KCNMB2: variants seen among roughly 807,000 people sequenced by gnomAD.
KCNMB2 encodes the protein calcium-activated potassium channel subunit beta-2.
In KCNMB2, 9 loss-of-function variants were observed where a neutral mutation model predicts 24.5. The ratio of observed to expected loss-of-function variants is 0.37; its 90% CI spans 0.22 to 0.64. The LOEUF is 0.64. Among genes scored for constraint, KCNMB2 ranks in the 30% least tolerant of loss-of-function variants. The probability of loss-of-function intolerance (pLI) is 0.63; values close to 1 mark genes in which losing one functional copy is unlikely to be tolerated. For missense variants in KCNMB2, 226 were observed against 284.3 expected, an observed-to-expected ratio of 0.79 and a Z score of 1.47; for synonymous variants, 109 against 104.4, an observed-to-expected ratio of 1.04 and a Z score of -0.27.
chr3:178,541,073 C>G (rs1715600127), intron 1 of KCNMB2, among the ~76,000 whole-genome samples: 1 of 152,196 alleles, frequency 6.6e-6, no homozygotes, highest in Non-Finnish European at 1.5e-5. Context: ...ACCTCAGAGT[C>G]AGAGCTCTGT....
intron 1 of KCNMB2, among the ~76,000 whole-genome samples, chr3:178,766,152 A>G (rs1182478986): frequency 1.3e-5 from 2 of 152,140 alleles, no homozygotes; most frequent in African/African-American, 4.8e-5. Flanking sequence ...TTCCCAGAAG[A>G]AAAAGAGATA....
chr3:178,777,301 G>T (rs1712620585), intron 1 of KCNMB2, among the ~76,000 whole-genome samples: 1 of 152,052 alleles, frequency 6.6e-6, no homozygotes, highest in South Asian at 2.1e-4. Flanking sequence ...TGGGTGTGAT[G>T]ACGGGCGCCT....
intron 1 of KCNMB2, among the ~76,000 whole-genome samples, chr3:178,582,643 T>C (rs778872026): frequency 2.0e-5 from 3 of 152,218 alleles, no homozygotes; most frequent in Non-Finnish European, 4.4e-5. Flanking sequence ...GGTCACTTTT[T>C]TGATTGACCT....
At chr3:178,619,023 T>G (rs114286567) in intron 1 of KCNMB2, among the ~76,000 whole-genome samples, 478 of 152,260 alleles carry the variant, frequency 3.1e-3, no homozygotes, top group African/African-American at 0.011. Context: ...GCCCGTGTCC[T>G]AAAAAGTTTT....
intron 1 of KCNMB2, among the ~76,000 whole-genome samples, chr3:178,592,554 A>G (rs1717711305): frequency 6.6e-6 from 1 of 152,276 alleles, no homozygotes; most frequent in East Asian, 1.9e-4. Flanking sequence ...GACAGCCACA[A>G]AGGCTCTATG....
intron 1 of KCNMB2, among the ~76,000 whole-genome samples, chr3:178,765,338 TG>T (rs1213651346): frequency 6.6e-6 from 1 of 152,210 alleles, no homozygotes; most frequent in Non-Finnish European, 1.5e-5. Context: ...CTTTAAGATA[TG>T]GGGTGAGTGT....
At chr3:178,758,850 T>C (rs1300026392) in intron 1 of KCNMB2, among the ~76,000 whole-genome samples, 1 of 23,308 alleles carries the variant, frequency 4.3e-5, no homozygotes, top group Non-Finnish European at 6.8e-5. Context: ...GAGGGATATA[T>C]ATATATATAT....
intron 1 of KCNMB2, among the ~76,000 whole-genome samples, chr3:178,592,546 C>T (rs1451529484): frequency 6.6e-6 from 1 of 152,078 alleles, no homozygotes; most frequent in East Asian, 1.9e-4. Context: ...CTATGTTGGA[C>T]AGCCACAAAG....
chr3:178,663,516 C>T (rs2108573318), intron 1 of KCNMB2, among the ~76,000 whole-genome samples: 1 of 152,220 alleles, frequency 6.6e-6, no homozygotes, highest in South Asian at 2.1e-4. Context: ...TATTCCTAAT[C>T]TCATCTCCAA....
intron 1 of KCNMB2, among the ~76,000 whole-genome samples, chr3:178,772,173 C>A (rs1712397407): frequency 6.6e-6 from 1 of 152,192 alleles, no homozygotes; most frequent in Non-Finnish European, 1.5e-5. Flanking sequence ...GATATATATA[C>A]AGTCATAATT....
intron 2 of KCNMB2, among the ~76,000 whole-genome samples, chr3:178,815,769 T>C (rs907647245): frequency 7.2e-5 from 11 of 152,060 alleles, no homozygotes; most frequent in Admixed American, 7.2e-4. Flanking sequence ...TATGTTTATC[T>C]ACATTTATTA....
intron 1 of KCNMB2, among the ~76,000 whole-genome samples, chr3:178,574,647 G>T (rs571016831): frequency 6.6e-5 from 10 of 152,298 alleles, no homozygotes; most frequent in African/African-American, 2.4e-4. Context: ...CCCAGCTGTT[G>T]CCCAGTCAGC....
intron 1 of KCNMB2, among the ~76,000 whole-genome samples, chr3:178,737,078 C>T (rs555220056): frequency 6.8e-4 from 104 of 152,164 alleles, no homozygotes; most frequent in African/African-American, 2.4e-3. Flanking sequence ...AAGACCAGCC[C>T]GCCCAACGTA....
intron 1 of KCNMB2, among the ~76,000 whole-genome samples, chr3:178,736,156 C>T (rs1338438352): frequency 6.6e-6 from 1 of 152,124 alleles, no homozygotes; most frequent in African/African-American, 2.4e-5. Flanking sequence ...AATGTCTTTT[C>T]CAGAACAGCA....
At chr3:178,729,474 C>A (rs1437868125) in intron 1 of KCNMB2, 1 of 152,094 alleles carries the variant, frequency 6.6e-6, no homozygotes. Flanking sequence ...CAGCACAATC[C>A]ATGATCTTGC....
intron 1 of KCNMB2, among the ~76,000 whole-genome samples, chr3:178,556,726 CTT>C (rs549396112): frequency 1.1e-4 from 17 of 152,228 alleles, no homozygotes; most frequent in African/African-American, 4.1e-4. Flanking sequence ...TTAAAGGAAA[CTT>C]TGTGCAACTG....
At chr3:178,617,116 A>G (rs1718733791) in intron 1 of KCNMB2, among the ~76,000 whole-genome samples, 1 of 152,214 alleles carries the variant, frequency 6.6e-6, no homozygotes, top group Non-Finnish European at 1.5e-5. Context: ...AAGAACATAG[A>G]AACAAGTAAC....
intron 1 of KCNMB2, among the ~76,000 whole-genome samples, chr3:178,752,836 A>G (rs1366427538): frequency 4.6e-5 from 7 of 152,218 alleles, no homozygotes; most frequent in African/African-American, 1.7e-4. Flanking sequence ...ATTTGAGAGT[A>G]AAGATAAAGT....
In KCNMB2 at chr3:178,843,200, C is replaced by T. The variant is rs139485733; in HGVS notation, c.*263C>T. 65 of 545,380 alleles carry T rather than the reference C, an allele frequency of 1.2e-4. No individual in the cohort carries two copies. The highest frequency in any genetic ancestry group is 1.0e-3 in the African/African-American group (56 of 53,516). The allele number at this position is 545,380 out of a possible 1,614,324, so 33.8% of individuals were successfully genotyped here. ...GAACTAGTACTTTCTTCTCTCATTC[C>T]GCCAAAACAGGGCTCAGTTATTCAT... is the stretch of plus-strand genomic sequence containing the variant. On this transcript the variant is annotated 3_prime_UTR_variant, in exon 5 of 5. Coordinates refer to ENST00000452583, the MANE Select transcript of KCNMB2 (RefSeq NM_181361.3).
Sources: gnomAD v4.1 joint callset for allele counts (sites outside exome capture counted in the v4.1 genomes callset) on GRCh38, gnomAD v4.1.1 for gene constraint, MANE v1.5 for transcripts, NCBI Gene and HGNC (gene_info 2026-07-23, HGNC 2026-07-21) for gene names.